ZBED6: variants seen among roughly 807,000 people sequenced by gnomAD.
The protein encoded by ZBED6 is zinc finger BED domain-containing protein 6.
ZBED6 carries 40 observed loss-of-function variants against 58.4 expected under a neutral mutation model. The ratio of observed to expected loss-of-function variants is 0.68; its 90% CI spans 0.53 to 0.89. The LOEUF is 0.89. ZBED6 is among the 40% of genes least tolerant of loss of function. The probability of loss-of-function intolerance (pLI) is 0.00; values close to 1 mark genes in which losing one functional copy is unlikely to be tolerated. For missense variants in ZBED6, 1,057 were observed against 1,003.9 expected (o/e 1.05, Z -0.71); for synonymous variants, 439 against 350.6 (o/e 1.25, Z -2.82).
chr1:203,804,182 C>T (rs536024800), intron 1 of ZBED6, among the ~76,000 whole-genome samples: 145 of 141,966 alleles, frequency 1.0e-3, no homozygotes, highest in Non-Finnish European at 1.5e-3. Flanking sequence ...GACAGAGTCT[C>T]GCTCTGTCGC....
chr1:203,805,895 G>C, intron 1 of ZBED6: 1 of 722,964 alleles, frequency 1.4e-6, no homozygotes. Context: ...TTCTCAATCT[G>C]GTCAGTTTTC....
chr1:203,832,419 G>C (rs1682693650), intron 8 of ZBED6, among the ~76,000 whole-genome samples: 1 of 151,680 alleles, frequency 6.6e-6, no homozygotes, highest in African/African-American at 2.4e-5. Context: ...AAAGTGCAAT[G>C]GTGCGATCTC....
At chr1:203,835,514 ATTTTAT>A (rs1684028738) in intron 9 of ZBED6, 1 of 158,998 alleles carries the variant, frequency 6.3e-6, no homozygotes, top group Non-Finnish European at 1.4e-5. Flanking sequence ...TAAGAGCAGT[ATTTTAT>A]TTTTGTTTAT....
intron 9 of ZBED6, among the ~76,000 whole-genome samples, chr1:203,835,097 C>T (rs896245743): frequency 6.6e-6 from 1 of 152,190 alleles, no homozygotes; most frequent in African/African-American, 2.4e-5. Context: ...AACTTAGTCA[C>T]ATTTCAAAGT....
intron 10 of ZBED6, among the ~76,000 whole-genome samples, chr1:203,839,050 T>TGGA (rs1685266757): frequency 6.6e-6 from 1 of 151,570 alleles, no homozygotes; most frequent in Non-Finnish European, 1.5e-5. Context: ...GCCTGCAATA[T>TGGA]GGAGACAGAT....
At chr1:203,812,337 C>G (rs946340769) in intron 1 of ZBED6, among the ~76,000 whole-genome samples, 4 of 152,132 alleles carry the variant, frequency 2.6e-5, no homozygotes, top group African/African-American at 7.2e-5. Flanking sequence ...CAAGTGTTCT[C>G]AGCATTTAGC....
chr1:203,843,506 A>G lies in ZBED6; in HGVS notation c.*3741+3132A>G, dbSNP rs564354992. 2.6e-5 allele frequency among the ~76,000 whole-genome samples: 4 copies of G among 152,268 alleles called. No individual in the cohort carries two copies. The East Asian group carries it at 7.7e-4, about 29-fold the overall frequency. On this transcript the variant is annotated intron_variant, in intron 11 of 16. Coordinates refer to ENST00000550078, the Ensembl canonical transcript of ZBED6. The stretch of plus-strand genomic sequence containing the variant: ...CTTTGTTCAACTTTATTTTTTAGAC[A>G]AGGAATTGACAATTTTTTTCCTGTA...
At chr1:203,818,172 A>T (rs1205764534) in intron 2 of ZBED6, among the ~76,000 whole-genome samples, 1 of 152,162 alleles carries the variant, frequency 6.6e-6, no homozygotes, top group Admixed American at 6.5e-5. Flanking sequence ...AGTGGAGCAC[A>T]GTTATATTGT....
exon 1 of ZBED6, chr1:203,800,182 A>C: frequency 6.6e-7 from 1 of 1,526,468 alleles, no homozygotes; most frequent in Non-Finnish European, 8.8e-7. Flanking sequence ...CCTTTAATTT[A>C]CTGGCAGAGG....
intron 11 of ZBED6, among the ~76,000 whole-genome samples, chr1:203,846,699 A>T (rs1206614008): frequency 6.6e-6 from 1 of 152,214 alleles, no homozygotes; most frequent in Non-Finnish European, 1.5e-5. Flanking sequence ...TTTTGTTAAG[A>T]TTTATAATGA....
At chr1:203,851,057 G>A (rs373708600) in exon 16 of ZBED6, 4 of 1,613,926 alleles carry the variant, frequency 2.5e-6, no homozygotes, top group African/African-American at 2.7e-5. Flanking sequence ...CCTTTTGTAG[G>A]CTGTTGTCCC....
At chr1:203,818,655 G>C in exon 3 of ZBED6, 1 of 1,614,138 alleles carries the variant, frequency 6.2e-7, no homozygotes, top group East Asian at 2.2e-5. Flanking sequence ...CGCTGTTTTC[G>C]ACAGGTGTGC....
chr1:203,852,697 A>G (rs1024126238), exon 17 of ZBED6: 1 of 403,676 alleles, frequency 2.5e-6, no homozygotes, highest in African/African-American at 2.1e-5. Context: ...AAAGGGTGCA[A>G]GCGAACTTAG....
intron 1 of ZBED6, among the ~76,000 whole-genome samples, chr1:203,808,611 C>T (rs1673170055): frequency 6.6e-6 from 1 of 152,052 alleles, no homozygotes; most frequent in African/African-American, 2.4e-5. Flanking sequence ...TATACAATTT[C>T]CCTCTTAGTG....
intron 7 of ZBED6, among the ~76,000 whole-genome samples, chr1:203,830,920 C>T (rs1463314303): frequency 6.8e-6 from 1 of 146,464 alleles, no homozygotes; most frequent in Non-Finnish European, 1.5e-5. Flanking sequence ...TATTTCCAAC[C>T]CCCAATTTTT....
intron 3 of ZBED6, among the ~76,000 whole-genome samples, chr1:203,826,305 A>C (rs1680496859): frequency 6.6e-6 from 1 of 151,792 alleles, no homozygotes; most frequent in African/African-American, 2.4e-5. Flanking sequence ...ACAGTAGCCT[A>C]TACTTTTAAA....
chr1:203,840,954 CAACTT>C (rs962665279), intron 11 of ZBED6, among the ~76,000 whole-genome samples: 5 of 151,996 alleles, frequency 3.3e-5, no homozygotes, highest in African/African-American at 9.7e-5. Context: ...AAATTAGAAA[CAACTT>C]AAATATACAA....
intron 6 of ZBED6, 47 bp from the exon 7 acceptor site, chr1:203,830,076 G>C: frequency 6.7e-7 from 1 of 1,481,908 alleles, no homozygotes; most frequent in Non-Finnish European, 9.3e-7. Context: ...AAAATACAAA[G>C]ATGAAAAGGC....
At chr1:203,799,880 T>A (rs1669994414) in exon 1 of ZBED6, 1 of 1,536,012 alleles carries the variant, frequency 6.5e-7, no homozygotes, top group African/African-American at 1.4e-5. Context: ...CTCAAGGTGC[T>A]GATTTAGAAA....
Sources: allele counts gnomAD v4.1 joint callset (sites outside exome capture counted in the v4.1 genomes callset), GRCh38; gene constraint gnomAD v4.1.1; transcripts MANE v1.5; gene names NCBI Gene and HGNC (gene_info 2026-07-23, HGNC 2026-07-21).